TECPR2: variants seen among roughly 807,000 people sequenced by gnomAD.
TECPR2 encodes the protein tectonin beta-propeller repeat-containing protein 2.
In TECPR2, 65 loss-of-function variants were observed where a neutral mutation model predicts 138.1. That is an observed-to-expected ratio of 0.47 (90% CI 0.39 to 0.58). The LOEUF is 0.58. Ranked by LOEUF, TECPR2 falls within the 20% of genes least tolerant of loss-of-function variation. TECPR2 has a pLI of 0.00. For missense variants in TECPR2, 1,553 were observed against 1,824.5 expected, an observed-to-expected ratio of 0.85 and a Z score of 2.71; for synonymous variants, 746 against 749.8, an observed-to-expected ratio of 0.99 and a Z score of 0.08.
At chr14:102,483,158 C>T (rs967770936) in intron 17 of TECPR2, among the ~76,000 whole-genome samples, 41 of 152,092 alleles carry the variant, frequency 2.7e-4, no homozygotes, top group Middle Eastern at 3.4e-3. Context: ...GCCCAGAAGC[C>T]GTTCTAACAC....
intron 19 of TECPR2, 125 bp downstream of exon 19, chr14:102,497,844 G>A (rs1412065255): frequency 7.6e-7 from 1 of 1,309,580 alleles, no homozygotes; most frequent in African/African-American, 1.5e-5. Flanking sequence ...AAGAACTGAG[G>A]GCAAAGCCAG....
Position 102,434,911 on chromosome 14 carries a change from G to T in TECPR2, c.2094G>T (p.Trp698Cys), listed in dbSNP as rs1567340129. 1 of 1,613,742 alleles carries T rather than the reference G, an allele frequency of 6.2e-7. No homozygotes were observed. The highest frequency in any genetic ancestry group is 8.5e-7 in the Non-Finnish European group (1 of 1,180,044). The change falls in exon 9 of 20, where the codon TGG (tryptophan) becomes TGT (cysteine). Residue 698 changes from tryptophan to cysteine, a missense_variant. Coordinates refer to ENST00000359520, the MANE Select transcript of TECPR2 (RefSeq NM_014844.5). ...CTGGCCACCTCAGCACAAATCTCTG[G>T]CATGCTGTCACTGATGATGACACAG... ...EASGHLSTNL[W>C]HAVTDDDTGQ...
intron 9 of TECPR2, among the ~76,000 whole-genome samples, chr14:102,436,127 C>G (rs1000735513): frequency 6.6e-6 from 1 of 152,114 alleles, no homozygotes; most frequent in Non-Finnish European, 1.5e-5. Context: ...CTTCTTGTCC[C>G]CATTTTACAG....
At chr14:102,489,861 A>C (rs1171122734) in intron 17 of TECPR2, among the ~76,000 whole-genome samples, 1 of 152,096 alleles carries the variant, frequency 6.6e-6, no homozygotes, top group Non-Finnish European at 1.5e-5. Context: ...CCGCTCTTGC[A>C]CTCAGCACAG....
chr14:102,483,927 G>C (rs184446023), intron 17 of TECPR2, among the ~76,000 whole-genome samples: 105 of 131,904 alleles, frequency 8.0e-4, no homozygotes, highest in African/African-American at 2.7e-3. Context: ...CTCCCACGTA[G>C]CTGGGATTAT....
Position 102,497,129 on chromosome 14 carries a change from C to T in TECPR2, c.3931+9C>T, listed in dbSNP as rs1167404448. The T allele has an allele frequency of 6.2e-7, 1 of 1,608,906 alleles. No individual in the cohort carries two copies. On this transcript the variant is annotated intron_variant, in intron 18 of 19. Coordinates refer to ENST00000359520, the MANE Select transcript of TECPR2 (RefSeq NM_014844.5). The stretch of plus-strand genomic sequence containing the variant: ...CTGGGAGCATGTGCCAGGTAGGAGC[C>T]TGCAGACAGGGCCTGTGGTGCCGGC...
intron 2 of TECPR2, among the ~76,000 whole-genome samples, chr14:102,378,775 C>T (rs1887709060): frequency 6.6e-6 from 1 of 152,220 alleles, no homozygotes; most frequent in Non-Finnish European, 1.5e-5. Context: ...CAGGCACCCG[C>T]TATCACACCC....
At chr14:102,439,759 C>T (rs1238638198) in intron 10 of TECPR2, among the ~76,000 whole-genome samples, 1 of 152,248 alleles carries the variant, frequency 6.6e-6, no homozygotes, top group Non-Finnish European at 1.5e-5. Flanking sequence ...TCGACAGGCC[C>T]TCTAGTCCAG....
At chr14:102,488,540 C>T (rs942283295) in intron 17 of TECPR2, among the ~76,000 whole-genome samples, 7 of 151,750 alleles carry the variant, frequency 4.6e-5, no homozygotes, top group African/African-American at 1.7e-4. Flanking sequence ...GACGAGGTCT[C>T]TCCATATTGG....
intron 10 of TECPR2, chr14:102,438,480 T>A (rs1337331523): frequency 2.8e-6 from 1 of 357,890 alleles, no homozygotes; most frequent in African/African-American, 2.1e-5. Flanking sequence ...TCTGATCGTA[T>A]TTTTGTAAGC....
At chr14:102,485,019 G>C (rs896781745) in intron 17 of TECPR2, among the ~76,000 whole-genome samples, 1 of 152,234 alleles carries the variant, frequency 6.6e-6, no homozygotes, top group African/African-American at 2.4e-5. Flanking sequence ...GGGAGTGAAA[G>C]AGTAATTGTG....
At chr14:102,421,378 A>T (rs1889177448) in intron 5 of TECPR2, among the ~76,000 whole-genome samples, 1 of 152,212 alleles carries the variant, frequency 6.6e-6, no homozygotes, top group South Asian at 2.1e-4. Flanking sequence ...GGTTCGTCCT[A>T]ACGATCATTG....
chr14:102,453,721 G>A (rs1404339769), intron 16 of TECPR2, among the ~76,000 whole-genome samples: 4 of 151,122 alleles, frequency 2.6e-5, no homozygotes, highest in Non-Finnish European at 5.9e-5. Context: ...TGGCTGCAAG[G>A]CTTCCCAGTT....
rs774384501 is a variant in TECPR2, at chr14:102,452,572, C to G, written c.3585C>G (p.Leu1195=). The G allele has an allele frequency of 1.9e-6, 3 of 1,609,202 alleles. No homozygotes were observed. The highest frequency in any genetic ancestry group is 2.5e-6 in the Non-Finnish European group (3 of 1,178,390). Residue 1195 remains leucine, a synonymous_variant, in exon 16 of 20, where the codon CTC becomes CTG. Transcript: ENST00000359520. Reference sequence around the variant, plus strand: ...TCGGCCAGGTGTTCATCAGGACGCTCTCCAAGAGCTGCCCCACGGGCATGC... The same window carrying G: ...TCGGCCAGGTGTTCATCAGGACGCTGTCCAAGAGCTGCCCCACGGGCATGC... ...DSLGQVFIRT[L]SKSCPTGMHW... is the part of the protein sequence containing the mutation.
At chr14:102,461,208 G>A (rs1269959150) in intron 16 of TECPR2, among the ~76,000 whole-genome samples, 4 of 152,240 alleles carry the variant, frequency 2.6e-5, no homozygotes, top group African/African-American at 7.2e-5. Context: ...AGATATTTAA[G>A]ATGCTTGTAA....
chr14:102,404,050 A>G (rs538001283), intron 2 of TECPR2, among the ~76,000 whole-genome samples: 4 of 149,496 alleles, frequency 2.7e-5, no homozygotes, highest in Admixed American at 6.7e-5. Flanking sequence ...GGCATGCACA[A>G]CTATGCCCGG....
intron 1 of TECPR2, 33 bp downstream of exon 1, chr14:102,363,149 G>A (rs961364830): frequency 5.9e-6 from 2 of 338,272 alleles, no homozygotes; most frequent in Admixed American, 1.0e-4. Flanking sequence ...CGGCCCCGAC[G>A]CCCCCGACGC....
At chr14:102,363,823 G>A (rs1433987141) in intron 1 of TECPR2, among the ~76,000 whole-genome samples, 1 of 152,176 alleles carries the variant, frequency 6.6e-6, no homozygotes, top group East Asian at 1.9e-4. Context: ...AAATGGGTCA[G>A]TGCATGTAAA....
chr14:102,463,956 A>C (rs1011218910), intron 16 of TECPR2, among the ~76,000 whole-genome samples: 1 of 152,126 alleles, frequency 6.6e-6, no homozygotes, highest in African/African-American at 2.4e-5. Flanking sequence ...AAAAACAAAC[A>C]ATTCAACTTA....
Sources: gnomAD v4.1 joint callset for allele counts (sites outside exome capture counted in the v4.1 genomes callset) on GRCh38, gnomAD v4.1.1 for gene constraint, MANE v1.5 for transcripts, NCBI Gene and HGNC (gene_info 2026-07-23, HGNC 2026-07-21) for gene names.